The following DNAH9 variants were observed in gnomAD, a reference collection of about 807,000 sequenced individuals.
DNAH9 encodes dynein axonemal heavy chain 9.
In DNAH9, 345 loss-of-function variants were observed where a neutral mutation model predicts 471.6. The ratio of observed to expected loss-of-function variants is 0.73; its 90% CI spans 0.67 to 0.80. DNAH9 has a LOEUF of 0.80. Ranked by LOEUF, DNAH9 falls within the 30% of genes least tolerant of loss-of-function variation. The pLI is 0.00. For missense variants in DNAH9, 5,407 were observed against 5,609.2 expected, an observed-to-expected ratio of 0.96 and a Z score of 1.15; for synonymous variants, 2,093 against 2,123.6, an observed-to-expected ratio of 0.99 and a Z score of 0.40.
At chr17:11,877,877 G>C (rs1972564439) in intron 53 of DNAH9, among the ~76,000 whole-genome samples, 1 of 152,070 alleles carries the variant, frequency 6.6e-6, no homozygotes, top group South Asian at 2.1e-4. Context: ...TGGGATCACA[G>C]GCGTGTGCCA....
At position 11,755,687 on chromosome 17, in the gene DNAH9, TACAC is replaced by T. The variant is rs375603663; in HGVS notation, c.6739-861_6739-858del. ...CTTTTTTTTTCTGACTCAACACACA[TACAC>T]ACACACACACACACACACAGGGGTG... On this transcript the variant is annotated intron_variant, in intron 33 of 68. Transcript: ENST00000262442. Among the ~76,000 whole-genome samples the T allele has an allele frequency of 6.3e-3, 940 of 148,596 alleles. 35 individuals are homozygous for T. Among genetic ancestry groups the T allele is most frequent in the Admixed American group, 0.056 (837 of 14,886 alleles).
intron 61 of DNAH9, among the ~76,000 whole-genome samples, chr17:11,912,828 C>T (rs1376041916): frequency 6.6e-6 from 1 of 152,120 alleles, no homozygotes; most frequent in African/African-American, 2.4e-5. Context: ...ATAATCTATA[C>T]ATCAGAATTA....
chr17:11,766,609 C>T (rs1348108030), intron 36 of DNAH9, among the ~76,000 whole-genome samples: 2 of 152,104 alleles, frequency 1.3e-5, no homozygotes, highest in African/African-American at 4.8e-5. Context: ...CTGTGAGAGC[C>T]CAGGGGACAT....
intron 8 of DNAH9, among the ~76,000 whole-genome samples, chr17:11,633,878 C>T (rs1363944610): frequency 6.6e-6 from 1 of 152,176 alleles, no homozygotes; most frequent in Non-Finnish European, 1.5e-5. Flanking sequence ...TTTGAAATCA[C>T]GACATCTGCT....
At chr17:11,894,028 C>T (rs918538291) in intron 58 of DNAH9, among the ~76,000 whole-genome samples, 3 of 152,174 alleles carry the variant, frequency 2.0e-5, no homozygotes, top group African/African-American at 7.2e-5. Context: ...GTCATTTTGA[C>T]ATTCTCCTCA....
chr17:11,696,538 T>C (rs1229228515), intron 22 of DNAH9, among the ~76,000 whole-genome samples: 1 of 152,094 alleles, frequency 6.6e-6, no homozygotes, highest in Non-Finnish European at 1.5e-5. Context: ...TTCCACCCTT[T>C]TGCTTCACCA....
intron 48 of DNAH9, among the ~76,000 whole-genome samples, chr17:11,829,093 C>A (rs1970601532): frequency 6.6e-6 from 1 of 152,158 alleles, no homozygotes; most frequent in Non-Finnish European, 1.5e-5. Context: ...GGTATTCATT[C>A]CATAAACACT....
At chr17:11,820,644 A>AT (rs564410783) in intron 45 of DNAH9, among the ~76,000 whole-genome samples, 1 of 151,806 alleles carries the variant, frequency 6.6e-6, no homozygotes, top group African/African-American at 2.4e-5. Context: ...TGAATTATTG[A>AT]TTTTTTTCTT....
Position 11,962,947 on chromosome 17 carries a change from G to A in DNAH9, c.13233+691G>A, listed in dbSNP as rs1338268617. 6.6e-6 allele frequency among the ~76,000 whole-genome samples: 1 copy of A among 152,166 alleles called. No individual in the cohort carries two copies. The highest frequency in any genetic ancestry group is 1.5e-5 in the Non-Finnish European group (1 of 68,042). ...ATAAAAACGTGAGTCACATGAGATTGGAGAAGATGTTTTGTCACCAATAAG... is the reference window on the plus strand; with the variant it reads ...ATAAAAACGTGAGTCACATGAGATTAGAGAAGATGTTTTGTCACCAATAAG... On this transcript the variant is annotated intron_variant, in intron 68 of 68. Coordinates refer to ENST00000262442, the MANE Select transcript of DNAH9 (RefSeq NM_001372.4). This position sits in a 1 kb window ranked among gnomAD's most constrained non-coding sequence, Gnocchi z 4.1.
intron 48 of DNAH9, among the ~76,000 whole-genome samples, chr17:11,828,231 T>C (rs1160366574): frequency 6.6e-6 from 1 of 152,038 alleles, no homozygotes; most frequent in Non-Finnish European, 1.5e-5. Context: ...CCCAGCACTT[T>C]GGGAGTCCGA....
Position 11,937,414 on chromosome 17 carries a change from G to A in DNAH9, c.12552G>A (p.Glu4184=). The change falls in exon 66 of 69, where the codon GAG becomes GAA. Residue 4184 remains glutamate (E), a synonymous_variant. Transcript: ENST00000262442. This position sits in a 1 kb window ranked among gnomAD's most constrained non-coding sequence, Gnocchi z 4.1. ...PYLYGLHPNA[E]IGFLTQTSEK... is the part of the protein sequence containing the mutation. ...TCTATGGCCTCCACCCGAACGCAGA[G>A]ATTGGCTTCCTGACCCAAACCTCAG... is the stretch of plus-strand genomic sequence containing the variant. The A allele has an allele frequency of 6.2e-7, 1 of 1,614,114 alleles. No homozygotes were observed. The highest frequency in any genetic ancestry group is 1.1e-5 in the South Asian group (1 of 91,072).
intron 20 of DNAH9, among the ~76,000 whole-genome samples, chr17:11,690,862 G>T (rs1055545671): frequency 6.6e-6 from 1 of 152,054 alleles, no homozygotes; most frequent in Non-Finnish European, 1.5e-5. Context: ...TCTATAAACC[G>T]CTGACCTGTG....
intron 49 of DNAH9, among the ~76,000 whole-genome samples, chr17:11,841,656 G>A (rs1041983707): frequency 6.6e-6 from 1 of 152,036 alleles, no homozygotes; most frequent in African/African-American, 2.4e-5. Flanking sequence ...ACATTGTCAG[G>A]GTGAAATTCA....
chr17:11,752,090 T>C (rs911925679), intron 32 of DNAH9, among the ~76,000 whole-genome samples: 1 of 152,146 alleles, frequency 6.6e-6, no homozygotes, highest in Non-Finnish European at 1.5e-5. Flanking sequence ...TAAAGCCATA[T>C]GTGAATAAAT....
chr17:11,841,673 C>T (rs1446812188), intron 49 of DNAH9, among the ~76,000 whole-genome samples: 1 of 152,076 alleles, frequency 6.6e-6, no homozygotes, highest in Non-Finnish European at 1.5e-5. Context: ...TTCAACAGAA[C>T]TGTTTTAGGA....
chr17:11,849,377 G>A (rs540605821), intron 49 of DNAH9, among the ~76,000 whole-genome samples: 6 of 152,196 alleles, frequency 3.9e-5, no homozygotes, highest in South Asian at 2.1e-4. Context: ...ATTCCCTGCC[G>A]AAAACACACC....
intron 4 of DNAH9, among the ~76,000 whole-genome samples, chr17:11,616,077 C>T (rs12936449): frequency 0.098 from 14,900 of 152,116 alleles, 1,380 homozygotes; most frequent in African/African-American, 0.24. Flanking sequence ...GGTGAGCCTC[C>T]GTGAAGCCAA....
chr17:11,737,364 C>T (rs2075365183), intron 28 of DNAH9, among the ~76,000 whole-genome samples: 1 of 142,188 alleles, frequency 7.0e-6, no homozygotes. Context: ...CACAACCCTA[C>T]AGCCCCATTT....
At chr17:11,720,962 A>G (rs933159042) in intron 27 of DNAH9, among the ~76,000 whole-genome samples, 10 of 152,162 alleles carry the variant, frequency 6.6e-5, no homozygotes, top group Non-Finnish European at 1.5e-4. Flanking sequence ...GGATAATTTT[A>G]TGTTCTAGAT....
Sources: allele counts gnomAD v4.1 joint callset (sites outside exome capture counted in the v4.1 genomes callset), GRCh38; gene constraint gnomAD v4.1.1; non-coding constraint Gnocchi (gnomAD v3.1); transcripts MANE v1.5; gene names NCBI Gene and HGNC (gene_info 2026-07-23, HGNC 2026-07-21).